NAXD: variants seen among roughly 807,000 people sequenced by gnomAD.
NAXD encodes the protein NAD(P)HX dehydratase, also known as ATP-dependent (S)-NAD(P)H-hydrate dehydratase.
A neutral mutation model predicts 35.8 loss-of-function variants in NAXD; 22 were observed. That is an observed-to-expected ratio of 0.62 (90% confidence interval 0.44 to 0.88). The LOEUF (loss-of-function observed/expected upper bound fraction) is 0.88. Among genes scored for constraint, NAXD ranks in the 40% least tolerant of loss-of-function variants. NAXD has a pLI of 0.00. For synonymous variants in NAXD, 189 were observed against 177.6 expected (o/e 1.06, Z -0.51); for missense variants, 428 against 437.7 (o/e 0.98, Z 0.20).
At chr13:110,630,104 A>C in intron 5 of NAXD, among the ~76,000 whole-genome samples, 1 of 152,010 alleles carries the variant, frequency 6.6e-6, no homozygotes, top group East Asian at 1.9e-4. Context: ...ATCTTGGCTC[A>C]CTGCAATCTC....
chr13:110,633,021 G>A (rs942690246), intron 5 of NAXD, among the ~76,000 whole-genome samples: 3 of 152,310 alleles, frequency 2.0e-5, no homozygotes, highest in African/African-American at 7.2e-5. Context: ...GTCCTGCGCC[G>A]TGCGTTCGCA....
chr13:110,623,274 A>G lies in NAXD; in HGVS notation c.197+908A>G, dbSNP rs549374327. Reference sequence around the variant, plus strand: ...GAGAAGGCCATGTAAGGTGATGGGTATCAGCATTTGCCCAGGTCTCTCTTT... The same window carrying G: ...GAGAAGGCCATGTAAGGTGATGGGTGTCAGCATTTGCCCAGGTCTCTCTTT... On this transcript the variant is annotated intron_variant, in intron 2 of 9. Transcript: ENST00000680254. 2.6e-5 allele frequency among the ~76,000 whole-genome samples: 4 copies of G among 152,310 alleles called. No homozygotes were observed. The East Asian group carries it at 5.8e-4, about 22-fold the overall frequency.
intron 1 of NAXD, among the ~76,000 whole-genome samples, 157 bp from the exon 2 acceptor site, chr13:110,622,059 A>G (rs1466894504): frequency 2.6e-5 from 4 of 152,216 alleles, no homozygotes; most frequent in Admixed American, 2.0e-4. Flanking sequence ...GCATGTGTTA[A>G]TGTAATTTTG....
chr13:110,624,403 T>C (rs540254388), intron 3 of NAXD, 124 bp downstream of exon 3: 1 of 668,926 alleles, frequency 1.5e-6, no homozygotes, highest in South Asian at 1.7e-5. Context: ...TCATAGCTAA[T>C]AGAAACACCG....
Position 110,628,978 on chromosome 13 carries a change from G to A in NAXD, c.441+1431G>A, listed in dbSNP as rs532703105. 6.6e-6 allele frequency among the ~76,000 whole-genome samples: 1 copy of A among 151,272 alleles called. No homozygotes were observed. Among genetic ancestry groups the A allele is most frequent in the South Asian group, 2.1e-4 (1 of 4,830 alleles). On this transcript the variant is annotated intron_variant, in intron 5 of 9. Transcript: ENST00000680254. The surrounding 1 kb of genome is among the most constrained non-coding windows in gnomAD (Gnocchi z 4.1). ...TGAAAGGTGGGAAGTGAGGGTGTGC[G>A]TCGCTGCCCCTGCAGCCCAGACTCT...
chr13:110,624,235 T>C lies in NAXD; in HGVS notation c.199T>C (p.Tyr67His). ...TGACTCTAAATACCTTCTTTTTAGG[T>C]ACACTGGAGCCCCATATTTTGCAGC... ...RIGVVGGCQEYTGAPYFAAIS... is the reference protein window; with the variant it reads ...RIGVVGGCQEHTGAPYFAAIS... Residue 67 changes from tyrosine (Y) to histidine (H), a missense_variant and splice_region_variant, in exon 3 of 10, where the codon TAC (tyrosine) becomes CAC (histidine). By Grantham distance (83) the Tyr-to-His change is moderately conservative. Around this residue, in one of 3 missense-constraint regions of NAXD, gnomAD observed 208 missense variants for 193.0 expected, o/e 1.08. Transcript: ENST00000680254. 6.2e-7 allele frequency: 1 copy of C among 1,604,432 alleles called. No individual in the cohort carries two copies. Among genetic ancestry groups the C allele is most frequent in the South Asian group, 1.1e-5 (1 of 90,270 alleles).
chr13:110,635,332 C>T (rs1404339703), intron 7 of NAXD, 136 bp from the exon 8 acceptor site: 11 of 994,502 alleles, frequency 1.1e-5, no homozygotes, highest in Non-Finnish European at 1.3e-5. Context: ...CTCCCACCTA[C>T]ATGGCCTTTA....
At chr13:110,623,871 G>T (rs1047706021) in intron 2 of NAXD, among the ~76,000 whole-genome samples, 1 of 152,008 alleles carries the variant, frequency 6.6e-6, no homozygotes, top group African/African-American at 2.4e-5. Flanking sequence ...GTGTGGTGGC[G>T]CATGCCTGTA....
chr13:110,617,880 G>A (rs942661644), intron 1 of NAXD, among the ~76,000 whole-genome samples: 3 of 152,176 alleles, frequency 2.0e-5, no homozygotes, highest in African/African-American at 7.2e-5. Flanking sequence ...TGACTTCATC[G>A]AACATGTATC....
In NAXD at chr13:110,634,562, A is replaced by G; in HGVS notation, c.459A>G (p.Ser153=). 1 of 1,614,220 alleles carries G rather than the reference A, an allele frequency of 6.2e-7. No homozygotes were observed. The highest frequency in any genetic ancestry group is 8.5e-7 in the Non-Finnish European group (1 of 1,180,032). Residue 153 remains serine (S), a synonymous_variant, in exon 6 of 10, where the codon TCA becomes TCG. Transcript: ENST00000680254. The part of the protein sequence containing the change: ...LRNVQGILEV[S]KARDIPVVID... ...TCTGGCAGGGCATTTTGGAAGTGTC[A>G]AAGGCCAGGGACATCCCTGTTGTCA...
chr13:110,629,258 G>A (rs572858860), intron 5 of NAXD, among the ~76,000 whole-genome samples: 232 of 151,654 alleles, frequency 1.5e-3, no homozygotes, highest in African/African-American at 3.6e-3. Flanking sequence ...CAAGACGCCC[G>A]TGGGATCTGG....
At chr13:110,631,016 G>C (rs1002555394) in intron 5 of NAXD, among the ~76,000 whole-genome samples, 4 of 152,182 alleles carry the variant, frequency 2.6e-5, no homozygotes, top group African/African-American at 7.2e-5. Context: ...TCAGCTTGCT[G>C]ATTTGTGGAA....
At chr13:110,623,271 G>T (rs61970484) in intron 2 of NAXD, among the ~76,000 whole-genome samples, 17,078 of 152,210 alleles carry the variant, frequency 0.11, 1,059 homozygotes, top group Middle Eastern at 0.16. Context: ...TAAGGTGATG[G>T]GTATCAGCAT....
At chr13:110,631,212 G>T (rs1194643169) in intron 5 of NAXD, among the ~76,000 whole-genome samples, 4 of 152,168 alleles carry the variant, frequency 2.6e-5, no homozygotes, top group African/African-American at 9.7e-5. Context: ...TTAACAGTGT[G>T]TCCTGGAGAC....
chr13:110,618,916 C>T (rs1376534217), intron 1 of NAXD, among the ~76,000 whole-genome samples: 5 of 152,336 alleles, frequency 3.3e-5, no homozygotes, highest in South Asian at 2.1e-4. Flanking sequence ...GAAGCTTTTC[C>T]GCTCTGGGGA....
chr13:110,623,907 C>T lies in NAXD; in HGVS notation c.198-327C>T, dbSNP rs569437814. On this transcript the variant is annotated intron_variant, in intron 2 of 9. Coordinates refer to ENST00000680254, the MANE Select transcript of NAXD (RefSeq NM_001242882.2). ...ATCCCAGCTACTCAGGAGGCTGAGGCAGGAGAATCGCTTGAACCCAGGAGG... is the reference window on the plus strand; with the variant it reads ...ATCCCAGCTACTCAGGAGGCTGAGGTAGGAGAATCGCTTGAACCCAGGAGG... Among the ~76,000 whole-genome samples, 92 of 150,954 alleles carry T rather than the reference C, an allele frequency of 6.1e-4. 1 individual carries two copies. Among genetic ancestry groups the T allele is most frequent in the Middle Eastern group, 3.4e-3 (1 of 290 alleles).
intron 4 of NAXD, among the ~76,000 whole-genome samples, chr13:110,626,207 T>G (rs1217255108): frequency 6.6e-6 from 1 of 151,608 alleles, no homozygotes; most frequent in East Asian, 2.0e-4. Context: ...CCGGAGGCTG[T>G]GGTAAGGACC....
chr13:110,616,019 C>T (rs1594164281), intron 1 of NAXD: 2 of 383,352 alleles, frequency 5.2e-6, no homozygotes, highest in Non-Finnish European at 9.2e-6. Flanking sequence ...CGGCGGAGCC[C>T]GCGCGGTGGC....
chr13:110,624,302 T>A, intron 3 of NAXD, 23 bp downstream of exon 3: 1 of 1,496,408 alleles, frequency 6.7e-7, no homozygotes, highest in Non-Finnish European at 9.3e-7. Context: ...AAAATTTCTT[T>A]ATTGGGATTT....
Sources: allele counts gnomAD v4.1 joint callset (sites outside exome capture counted in the v4.1 genomes callset), GRCh38; gene constraint gnomAD v4.1.1; regional missense constraint gnomAD v4.1.1; non-coding constraint Gnocchi (gnomAD v3.1); transcripts MANE v1.5; gene names NCBI Gene and HGNC (gene_info 2026-07-23, HGNC 2026-07-21).